Variants in PRKG1 observed in about 807,000 individuals in gnomAD.
PRKG1 encodes protein kinase cGMP-dependent 1, also known as cGMP-dependent protein kinase 1.
A neutral mutation model predicts 88.1 loss-of-function variants in PRKG1; 35 were observed. That is an observed-to-expected ratio of 0.40 (90% CI 0.30 to 0.53). The LOEUF is 0.53. Among genes scored for constraint, PRKG1 ranks in the 20% least tolerant of loss-of-function variants. PRKG1 has a pLI of 0.59. For missense variants in PRKG1, 540 were observed against 839.8 expected (o/e 0.64, Z 4.41); for synonymous variants, 303 against 292.5 (o/e 1.04, Z -0.37).
intron 4 of PRKG1, among the ~76,000 whole-genome samples, chr10:51,825,572 C>T (rs926797961): frequency 2.6e-5 from 4 of 152,046 alleles, no homozygotes; most frequent in African/African-American, 7.2e-5. Context: ...TTAGAGAGTC[C>T]GTGGTCTGTT....
intron 7 of PRKG1, among the ~76,000 whole-genome samples, chr10:52,087,385 T>A (rs1343993720): frequency 1.3e-5 from 2 of 152,198 alleles, no homozygotes; most frequent in African/African-American, 4.8e-5. Context: ...TCTACATTTT[T>A]AAGGTTTCTT....
intron 3 of PRKG1, among the ~76,000 whole-genome samples, chr10:51,612,658 T>A (rs1838942234): frequency 6.6e-6 from 1 of 152,112 alleles, no homozygotes; most frequent in Admixed American, 6.5e-5. Context: ...ATCCGGTACT[T>A]TCTTGAGTAA....
chr10:51,154,223 A>G (rs2131976990), intron 2 of PRKG1, among the ~76,000 whole-genome samples: 1 of 152,050 alleles, frequency 6.6e-6, no homozygotes, highest in East Asian at 1.9e-4. Flanking sequence ...ACCAATTTGT[A>G]AAAAAAGAAG....
chr10:51,052,041 A>G (rs1843568605), intron 1 of PRKG1, among the ~76,000 whole-genome samples: 1 of 152,200 alleles, frequency 6.6e-6, no homozygotes, highest in South Asian at 2.1e-4. Context: ...TGCTTATTTA[A>G]AATATATTTT....
chr10:51,085,391 GT>G (rs79994575), intron 1 of PRKG1, among the ~76,000 whole-genome samples: 2,906 of 152,228 alleles, frequency 0.019, 93 homozygotes, highest in East Asian at 0.15. Flanking sequence ...TGCTAAGCCT[GT>G]GTTGACAACT....
At chr10:51,405,764 C>A (rs1837891825) in intron 2 of PRKG1, among the ~76,000 whole-genome samples, 1 of 152,122 alleles carries the variant, frequency 6.6e-6, no homozygotes, top group Non-Finnish European at 1.5e-5. Context: ...TATGTGGAGA[C>A]TTCCCTGTTC....
chr10:52,105,365 T>G (rs1473202191), intron 7 of PRKG1, among the ~76,000 whole-genome samples: 4 of 152,214 alleles, frequency 2.6e-5, no homozygotes, highest in Non-Finnish European at 5.9e-5. Flanking sequence ...CTCCAAGAAG[T>G]TGGTAAGAGA....
At chr10:52,057,451 T>A (rs999509914) in intron 6 of PRKG1, among the ~76,000 whole-genome samples, 1 of 152,230 alleles carries the variant, frequency 6.6e-6, no homozygotes, top group Non-Finnish European at 1.5e-5. Flanking sequence ...CGTGAGTTGC[T>A]TCTCCAACAG....
intron 2 of PRKG1, among the ~76,000 whole-genome samples, chr10:51,353,426 A>G (rs1190648346): frequency 6.6e-6 from 1 of 152,142 alleles, no homozygotes; most frequent in East Asian, 1.9e-4. Flanking sequence ...ACGAGAATAT[A>G]GAATGAGCTC....
At chr10:51,218,961 G>A (rs937824811) in intron 2 of PRKG1, among the ~76,000 whole-genome samples, 1 of 152,178 alleles carries the variant, frequency 6.6e-6, no homozygotes, top group Admixed American at 6.5e-5. Context: ...ACTTTACCTT[G>A]GGCAAGTTAT....
intron 5 of PRKG1, among the ~76,000 whole-genome samples, chr10:51,946,837 G>C (rs1034824573): frequency 1.3e-5 from 2 of 152,004 alleles, no homozygotes; most frequent in African/African-American, 4.8e-5. Context: ...TCTCAGAGGA[G>C]TACCCAGCCG....
At chr10:52,066,968 T>A (rs963015742) in intron 7 of PRKG1, among the ~76,000 whole-genome samples, 1 of 152,222 alleles carries the variant, frequency 6.6e-6, no homozygotes, top group Non-Finnish European at 1.5e-5. Context: ...TTTTAACATT[T>A]TGATATCCTA....
intron 2 of PRKG1, among the ~76,000 whole-genome samples, chr10:51,404,736 C>T (rs948940001): frequency 3.3e-5 from 5 of 152,160 alleles, no homozygotes; most frequent in African/African-American, 9.7e-5. Flanking sequence ...CATCAAAACA[C>T]GCATAAGAAT....
chr10:52,239,605 T>A (rs1840803172), intron 9 of PRKG1, among the ~76,000 whole-genome samples: 1 of 151,370 alleles, frequency 6.6e-6, no homozygotes, highest in Non-Finnish European at 1.5e-5. Flanking sequence ...CTCAATTATT[T>A]ACCAACAATT....
chr10:51,625,168 A>G (rs1007427426), intron 3 of PRKG1, among the ~76,000 whole-genome samples: 2 of 152,150 alleles, frequency 1.3e-5, no homozygotes, highest in South Asian at 2.1e-4. Flanking sequence ...TGAACCCCAT[A>G]TGTGTGTACA....
rs560630466 is a variant in PRKG1 at position 51,672,119 on chromosome 10, G to A, written c.593-132466G>A. 4.1e-4 allele frequency among the ~76,000 whole-genome samples: 61 copies of A among 148,556 alleles called. 1 individual carries two copies. The highest frequency in any genetic ancestry group is 1.4e-3 in the African/African-American group (57 of 40,502). On this transcript the variant is annotated intron_variant, in intron 3 of 17. Coordinates refer to ENST00000373980, the MANE Select transcript of PRKG1 (RefSeq NM_006258.4). ...GGATTTCTTTATGTTGATCTCATTTGAGATTTTTTTTTTACCTATTTCTTA... is the reference window on the plus strand; with the variant it reads ...GGATTTCTTTATGTTGATCTCATTTAAGATTTTTTTTTTACCTATTTCTTA...
At chr10:51,648,033 TACACATACACAC>T (rs1417275334) in intron 3 of PRKG1, among the ~76,000 whole-genome samples, 1 of 40,578 alleles carries the variant, frequency 2.5e-5, no homozygotes, top group Non-Finnish European at 9.4e-5. Flanking sequence ...ATTTTCTGGT[TACACATACACAC>T]ACACACACAC....
At chr10:51,446,072 C>G (rs905487038) in intron 2 of PRKG1, among the ~76,000 whole-genome samples, 4 of 151,896 alleles carry the variant, frequency 2.6e-5, no homozygotes, top group African/African-American at 9.7e-5. Flanking sequence ...ATTTTCTTCA[C>G]TTTAGTGATA....
intron 5 of PRKG1, among the ~76,000 whole-genome samples, chr10:51,969,991 A>C (rs1341334164): frequency 7.0e-6 from 1 of 142,234 alleles, no homozygotes; most frequent in African/African-American, 2.6e-5. Flanking sequence ...TTATTTGCCC[A>C]TTCTCTTCAT....
Sources: gnomAD v4.1 joint callset for allele counts (sites outside exome capture counted in the v4.1 genomes callset) on GRCh38, gnomAD v4.1.1 for gene constraint, MANE v1.5 for transcripts, NCBI Gene and HGNC (gene_info 2026-07-23, HGNC 2026-07-21) for gene names.